Variants in SLC26A9 observed in about 807,000 individuals in gnomAD.
The protein encoded by SLC26A9 is anion transporter/exchanger protein 9.
Under a neutral mutation model 87.1 loss-of-function variants are expected in SLC26A9, and 46 were observed. The ratio of observed to expected loss-of-function variants is 0.53; its 90% CI spans 0.42 to 0.67. SLC26A9 has a LOEUF of 0.67. Ranked by LOEUF, SLC26A9 falls within the 30% of genes least tolerant of loss-of-function variation. SLC26A9 has a pLI of 0.00. For synonymous variants in SLC26A9, 437 were observed against 409.1 expected (o/e 1.07, Z -0.82); for missense variants, 927 against 1,018.3 (o/e 0.91, Z 1.22).
Position 205,929,235 on chromosome 1 carries a change from A to G in SLC26A9, c.839T>C (p.Ile280Thr). 1.2e-6 allele frequency: 2 copies of G among 1,614,198 alleles called. No individual in the cohort carries two copies. The highest frequency in any genetic ancestry group is 1.7e-6 in the Non-Finnish European group (2 of 1,180,028). ...CATCTCTGTAGGGATGGGGAAGCGA[A>G]TCTTGTGCATGTAGCGAGCATTGAG... ...KELNARYMHK[I>T]RFPIPTEMIV... Residue 280 changes from isoleucine (I) to threonine (T), a missense_variant, in exon 7 of 21, where the codon ATT (isoleucine) becomes ACT (threonine). Physicochemically the swap from Ile to Thr is moderately conservative, Grantham distance 89. Coordinates refer to ENST00000367135, the MANE Select transcript of SLC26A9 (RefSeq NM_052934.4).
At position 205,942,687 on chromosome 1, in the gene SLC26A9, G is replaced by T. The variant is rs562984253; in HGVS notation, c.-19+678C>A. Among the ~76,000 whole-genome samples the T allele has an allele frequency of 1.3e-3, 195 of 152,300 alleles. 5 individuals carry two copies. In the South Asian group the frequency reaches 0.027, roughly 21 times the overall value. On this transcript the variant is annotated intron_variant, in intron 1 of 20. Transcript: ENST00000367135. ...CCACTGTCCTGGCCCAAGCCCTTCT[G>T]TGTTGAAGCATTCACCATTGAGTCG...
chr1:205,925,252 G>A (rs971089442), intron 12 of SLC26A9, among the ~76,000 whole-genome samples: 3 of 152,216 alleles, frequency 2.0e-5, no homozygotes, highest in East Asian at 1.9e-4. Context: ...GTCTCACAGC[G>A]AGCTGCGTGG....
intron 2 of SLC26A9, 48 bp from the exon 3 acceptor site, chr1:205,933,132 C>T (rs1432302458): frequency 1.2e-6 from 2 of 1,611,654 alleles, no homozygotes; most frequent in Admixed American, 1.7e-5. Context: ...ATGGCTTGGA[C>T]ATTCCGTGTT....
At chr1:205,920,891 T>C (rs114619342) in intron 17 of SLC26A9, among the ~76,000 whole-genome samples, 3,424 of 152,302 alleles carry the variant, frequency 0.022, 139 homozygotes, top group African/African-American at 0.079. Context: ...GTCTAGAGCT[T>C]CAGCCAAGGC....
Position 205,930,446 on chromosome 1 carries a change from C to A in SLC26A9, c.553-390G>T, listed in dbSNP as rs867767861. Reference sequence around the variant, plus strand: ...ATCACCAAGCTCCTGGTAAAACATTCTTTTCAAGTCCAGCCCCATCTCTTT... The same window carrying A: ...ATCACCAAGCTCCTGGTAAAACATTATTTTCAAGTCCAGCCCCATCTCTTT... On this transcript the variant is annotated intron_variant, in intron 5 of 20. Transcript: ENST00000367135. Among the ~76,000 whole-genome samples the A allele has an allele frequency of 2.0e-5, 3 of 152,228 alleles. No homozygotes were observed. The South Asian group carries it at 6.2e-4, about 32-fold the overall frequency.
chr1:205,936,050 T>G (rs1659497243), intron 1 of SLC26A9, among the ~76,000 whole-genome samples: 1 of 152,182 alleles, frequency 6.6e-6, no homozygotes, highest in African/African-American at 2.4e-5. Context: ...ATGCATAGAC[T>G]CACCCTGGCT....
At chr1:205,919,009 C>T in intron 18 of SLC26A9, 24 bp from the exon 19 acceptor site, 1 of 1,612,426 alleles carries the variant, frequency 6.2e-7, no homozygotes. Flanking sequence ...AGATCACCTT[C>T]AGAAAGATAA....
At chr1:205,927,871 G>T (rs1466657044) in intron 9 of SLC26A9, 31 bp downstream of exon 9, 2 of 1,609,250 alleles carry the variant, frequency 1.2e-6, no homozygotes, top group Non-Finnish European at 1.7e-6. Flanking sequence ...GACCTGTCCT[G>T]CCCAGTCCTG....
At chr1:205,937,347 T>C (rs1409709456) in intron 1 of SLC26A9, among the ~76,000 whole-genome samples, 1 of 152,156 alleles carries the variant, frequency 6.6e-6, no homozygotes, top group Non-Finnish European at 1.5e-5. Flanking sequence ...AGCGAATTGA[T>C]AAATGGTGTT....
chr1:205,921,443 G>T, intron 17 of SLC26A9, 123 bp downstream of exon 17: 1 of 1,258,144 alleles, frequency 7.9e-7, no homozygotes, highest in Non-Finnish European at 1.1e-6. Flanking sequence ...CCTAGGAGCT[G>T]TTAGTCTCCC....
At chr1:205,940,339 CT>C (rs1659686516) in intron 1 of SLC26A9, among the ~76,000 whole-genome samples, 1 of 152,210 alleles carries the variant, frequency 6.6e-6, no homozygotes, top group African/African-American at 2.4e-5. Flanking sequence ...AAGCACGCCC[CT>C]GGTACCTTCT....
intron 12 of SLC26A9, 29 bp downstream of exon 12, chr1:205,926,506 C>G: frequency 6.3e-7 from 1 of 1,587,598 alleles, no homozygotes; most frequent in Non-Finnish European, 8.7e-7. Context: ...AGGGGCATGG[C>G]CAGTACCCAG....
rs780751186 is a variant in SLC26A9, at chr1:205,921,707, C to T, written c.1914G>A (p.Glu638=). 2 of 1,592,658 alleles carry T rather than the reference C, an allele frequency of 1.3e-6. No homozygotes were observed. Among genetic ancestry groups the T allele is most frequent in the Non-Finnish European group, 1.7e-6 (2 of 1,169,824 alleles). The change falls in exon 17 of 21, where the codon GAG becomes GAA. Residue 638 remains glutamate, a synonymous_variant. Coordinates refer to ENST00000367135, the MANE Select transcript of SLC26A9 (RefSeq NM_052934.4). ...CGGGGGCCTCAGCGGAGGCTGGTGG[C>T]TCACTCTGGGCAGGTGAGGAGCTGT... The part of the protein sequence containing the change: ...SPDSSSPAQS[E]PPASAEAPGE...
Position 205,935,830 on chromosome 1 carries a change from A to ATT in SLC26A9, c.-12_-11dup. The ATT allele has an allele frequency of 6.2e-7, 1 of 1,611,592 alleles. No homozygotes were observed. Among genetic ancestry groups the ATT allele is most frequent in the Non-Finnish European group, 8.5e-7 (1 of 1,178,474 alleles). On this transcript the variant is annotated 5_prime_UTR_variant, in exon 2 of 21. In the 5' UTR this introduces an upstream ATG that the reference lacks. Coordinates refer to ENST00000367135, the MANE Select transcript of SLC26A9 (RefSeq NM_052934.4). ...GCCTGGGCTGGCTCATATCTGGGGC[A>ATT]TTTACAAGCTTTGGGAGAAGCAGAG... is the stretch of plus-strand genomic sequence containing the variant.
intron 20 of SLC26A9, among the ~76,000 whole-genome samples, chr1:205,915,671 C>T (rs191280389): frequency 7.2e-5 from 11 of 152,246 alleles, no homozygotes; most frequent in Admixed American, 2.6e-4. Context: ...TGACCTTCCA[C>T]GTGTCCCTCG....
chr1:205,915,193 CG>C lies in SLC26A9; in HGVS notation c.*163del. 2 of 1,609,788 alleles carry C rather than the reference CG, an allele frequency of 1.2e-6. No individual in the cohort carries two copies. The highest frequency in any genetic ancestry group is 2.2e-5 in the East Asian group (1 of 44,774). ...TGCTGAGAGGCTCTCTCTGGAGATG[CG>C]GGGAGGGAAGGAAGGGAGGAGAGAG... On this transcript the variant is annotated 3_prime_UTR_variant, in exon 21 of 21. Coordinates refer to ENST00000367135, the MANE Select transcript of SLC26A9 (RefSeq NM_052934.4).
intron 1 of SLC26A9, among the ~76,000 whole-genome samples, chr1:205,942,486 G>T (rs1659789661): frequency 6.6e-6 from 1 of 152,196 alleles, no homozygotes; most frequent in African/African-American, 2.4e-5. Flanking sequence ...GACCCGTGGG[G>T]CCAAGTGTAA....
chr1:205,941,570 T>A (rs1659747401), intron 1 of SLC26A9, among the ~76,000 whole-genome samples: 1 of 152,044 alleles, frequency 6.6e-6, no homozygotes, highest in South Asian at 2.1e-4. Context: ...TCCTCCTCAG[T>A]GTAGGGGAGG....
chr1:205,927,669 T>C, intron 9 of SLC26A9, 64 bp from the exon 10 acceptor site: 1 of 1,498,402 alleles, frequency 6.7e-7, no homozygotes, highest in Non-Finnish European at 9.2e-7. Flanking sequence ...CCAAGTGCAG[T>C]CAGGCATGCA....
Sources: gnomAD v4.1 joint callset for allele counts (sites outside exome capture counted in the v4.1 genomes callset) on GRCh38, gnomAD v4.1.1 for gene constraint, MANE v1.5 for transcripts, NCBI Gene and HGNC (gene_info 2026-07-23, HGNC 2026-07-21) for gene names.